RIMS2: variants seen among roughly 807,000 people sequenced by gnomAD.
The protein encoded by RIMS2 is regulating synaptic membrane exocytosis 2, also known as regulating synaptic membrane exocytosis protein 2.
Under a neutral mutation model 174.4 loss-of-function variants are expected in RIMS2, and 59 were observed. That is an observed-to-expected ratio of 0.34 (90% CI 0.27 to 0.42). The LOEUF is 0.42. RIMS2 is among the 10% of genes least tolerant of loss of function. The pLI is 1.00. For synonymous variants in RIMS2, 606 were observed against 572.5 expected (o/e 1.06, Z -0.84); for missense variants, 1,620 against 1,666.3 (o/e 0.97, Z 0.48).
chr8:103,693,225 T>A (rs2097054711), intron 1 of RIMS2, among the ~76,000 whole-genome samples: 2 of 152,158 alleles, frequency 1.3e-5, no homozygotes, highest in South Asian at 4.1e-4. Context: ...GTTCACAGAT[T>A]CTCTTCCTGC....
chr8:103,936,856 G>T, intron 13 of RIMS2, 134 bp downstream of exon 15: 1 of 585,024 alleles, frequency 1.7e-6, no homozygotes, highest in Non-Finnish European at 2.8e-6. Flanking sequence ...AGCACTTTGG[G>T]AGGCCGAGGG....
intron 19 of RIMS2, among the ~76,000 whole-genome samples, chr8:104,170,081 A>G (rs1400507516): frequency 6.6e-6 from 1 of 152,102 alleles, no homozygotes; most frequent in Non-Finnish European, 1.5e-5. Context: ...TTTGTGGCCT[A>G]TCATGTTGTC....
chr8:103,961,100 T>C (rs1472950305), exon 15 of RIMS2: 4 of 1,510,836 alleles, frequency 2.6e-6, no homozygotes, highest in Non-Finnish European at 2.8e-6. Flanking sequence ...AGTCTCTGAC[T>C]ATGACTGTGA....
At position 103,519,323 on chromosome 8, in the gene RIMS2, A is replaced by G. The variant is rs546328929; in HGVS notation, c.176+18261A>G. 6.6e-5 allele frequency among the ~76,000 whole-genome samples: 10 copies of G among 152,270 alleles called. 1 individual carries two copies. Among genetic ancestry groups the G allele is most frequent in the South Asian group, 4.1e-4 (2 of 4,826 alleles). On this transcript the variant is annotated intron_variant, in intron 1 of 23. Transcript: ENST00000504942. ...TCATTACTCATTTTCTTCAACTTCA[A>G]TAGGAAATCTTATGGAATTGTTTTG...
chr8:104,196,309 C>T (rs1056542293), intron 19 of RIMS2, among the ~76,000 whole-genome samples: 3 of 152,014 alleles, frequency 2.0e-5, no homozygotes, highest in South Asian at 2.1e-4. Context: ...GTTCACTGAT[C>T]GATTCTGAAA....
chr8:103,911,139 T>A (rs2075596217), intron 5 of RIMS2, among the ~76,000 whole-genome samples: 1 of 152,180 alleles, frequency 6.6e-6, no homozygotes, highest in Non-Finnish European at 1.5e-5. Context: ...AATATAGATG[T>A]AATTGACTGG....
At chr8:104,023,475 C>T (rs184188006) in intron 19 of RIMS2, among the ~76,000 whole-genome samples, 12 of 152,100 alleles carry the variant, frequency 7.9e-5, no homozygotes, top group Admixed American at 3.3e-4. Context: ...ATAGAGCCAA[C>T]AAAATTTCCT....
At chr8:104,224,874 C>A (rs114809594) in intron 19 of RIMS2, among the ~76,000 whole-genome samples, 379 of 152,228 alleles carry the variant, frequency 2.5e-3, no homozygotes, top group African/African-American at 8.3e-3. Context: ...CTAGAGCTAT[C>A]CAAGTTTCTT....
intron 3 of RIMS2, among the ~76,000 whole-genome samples, chr8:103,806,112 A>T (rs555582650): frequency 5.3e-4 from 80 of 152,118 alleles, no homozygotes; most frequent in Non-Finnish European, 1.1e-3. Context: ...CTTCTATTTG[A>T]CTTCGTTTAA....
Position 103,641,570 on chromosome 8 carries a change from T to C in RIMS2, c.177-55516T>C, listed in dbSNP as rs1404603730. Among the ~76,000 whole-genome samples the C allele has an allele frequency of 2.0e-5, 3 of 152,200 alleles. No homozygotes were observed. The South Asian group carries it at 6.2e-4, about 32-fold the overall frequency. On this transcript the variant is annotated intron_variant, in intron 1 of 23. Transcript: ENST00000504942. Reference sequence around the variant, plus strand: ...GTATTGTTTGTTTGTCCCTACCAAATTGCATGTGAAAACTTGGTCCCTAGT... The same window carrying C: ...GTATTGTTTGTTTGTCCCTACCAAACTGCATGTGAAAACTTGGTCCCTAGT...
rs572207303 is a variant in RIMS2, at chr8:103,877,301, G to A, written c.699-7997G>A. Reference sequence around the variant, plus strand: ...GATTTGCATTTCCCTGATCATTCATGATGTTGAGTATTTTTTCATATGTCT... The same window carrying A: ...GATTTGCATTTCCCTGATCATTCATAATGTTGAGTATTTTTTCATATGTCT... On this transcript the variant is annotated intron_variant, in intron 3 of 23. Transcript: ENST00000504942. 1.7e-3 allele frequency among the ~76,000 whole-genome samples: 257 copies of A among 151,956 alleles called. 2 individuals carry two copies. The highest frequency in any genetic ancestry group is 5.7e-3 in the African/African-American group (238 of 41,502).
chr8:103,793,280 C>G (rs966630449), intron 3 of RIMS2, among the ~76,000 whole-genome samples: 1 of 152,100 alleles, frequency 6.6e-6, no homozygotes, highest in Non-Finnish European at 1.5e-5. Context: ...GTTCAACATA[C>G]GCAAATCAGT....
chr8:103,882,882 T>G (rs549184068), intron 3 of RIMS2, among the ~76,000 whole-genome samples: 1 of 151,796 alleles, frequency 6.6e-6, no homozygotes, highest in African/African-American at 2.4e-5. Context: ...CTCTACTTAC[T>G]TTCAAAAATT....
At chr8:103,595,567 G>A (rs2094450392) in intron 1 of RIMS2, among the ~76,000 whole-genome samples, 1 of 151,866 alleles carries the variant, frequency 6.6e-6, no homozygotes, top group South Asian at 2.1e-4. Flanking sequence ...GAAGTGTTGG[G>A]GCTGTGGAAA....
At chr8:103,948,343 A>G (rs1315007699) in intron 14 of RIMS2, among the ~76,000 whole-genome samples, 1 of 152,250 alleles carries the variant, frequency 6.6e-6, no homozygotes, top group South Asian at 2.1e-4. Context: ...AAGAGAAATG[A>G]AAGTGAATGT....
At chr8:104,223,349 G>GCCTCCAGGATTCTCAGCTC in intron 19 of RIMS2, 1 of 1,134,904 alleles carries the variant, frequency 8.8e-7, no homozygotes, top group East Asian at 4.7e-5. Flanking sequence ...AGCAGCTCCA[G>GCCTCCAGGATTCTCAGCTC]CCTCCAGGAT....
chr8:104,083,117 A>G (rs938975554), intron 19 of RIMS2, among the ~76,000 whole-genome samples: 5 of 152,136 alleles, frequency 3.3e-5, no homozygotes, highest in Non-Finnish European at 7.3e-5. Context: ...GCCTCTTCAG[A>G]CTTCCAACAG....
At chr8:104,188,362 C>G (rs2098980567) in intron 19 of RIMS2, among the ~76,000 whole-genome samples, 1 of 151,154 alleles carries the variant, frequency 6.6e-6, no homozygotes, top group Non-Finnish European at 1.5e-5. Context: ...CTCAGTATTC[C>G]CAGTATCCAT....
intron 1 of RIMS2, among the ~76,000 whole-genome samples, chr8:103,621,730 C>A (rs2095639461): frequency 6.6e-6 from 1 of 152,176 alleles, no homozygotes; most frequent in African/African-American, 2.4e-5. Context: ...CTGGGACCCA[C>A]AATTTTTGAA....
Sources: gnomAD v4.1 joint callset for allele counts (sites outside exome capture counted in the v4.1 genomes callset) on GRCh38, gnomAD v4.1.1 for gene constraint, MANE v1.5 for transcripts, NCBI Gene and HGNC (gene_info 2026-07-23, HGNC 2026-07-21) for gene names.